TMEM131L: variants seen among roughly 807,000 people sequenced by gnomAD.
TMEM131L encodes the protein transmembrane protein 131-like.
Under a neutral mutation model 192.2 loss-of-function variants are expected in TMEM131L, and 54 were observed. The observed-to-expected ratio is 0.28, with a 90% CI of 0.23 to 0.35. The LOEUF is 0.35. TMEM131L is among the 10% of genes least tolerant of loss of function. The pLI is 1.00. For synonymous variants in TMEM131L, 701 were observed against 704.9 expected (o/e 0.99, Z 0.09); for missense variants, 1,888 against 1,972.9 (o/e 0.96, Z 0.82).
At chr4:153,492,610 T>TA (rs1464492368) in intron 3 of TMEM131L, among the ~76,000 whole-genome samples, 1 of 152,214 alleles carries the variant, frequency 6.6e-6, no homozygotes, top group Non-Finnish European at 1.5e-5. Flanking sequence ...GCATGCCTGC[T>TA]AGACAGCCCC....
intron 3 of TMEM131L, among the ~76,000 whole-genome samples, chr4:153,514,991 A>G (rs1734630467): frequency 6.6e-6 from 1 of 152,088 alleles, no homozygotes; most frequent in Non-Finnish European, 1.5e-5. Context: ...TTGTATTTTT[A>G]GTAGAGACAG....
At chr4:153,506,933 T>C (rs1032209581) in intron 3 of TMEM131L, among the ~76,000 whole-genome samples, 1 of 149,784 alleles carries the variant, frequency 6.7e-6, no homozygotes, top group Non-Finnish European at 1.5e-5. Context: ...GAGACCAGAG[T>C]GGGGAATAAA....
intron 29 of TMEM131L, among the ~76,000 whole-genome samples, chr4:153,624,685 C>A (rs1332801385): frequency 1.3e-5 from 2 of 152,196 alleles, no homozygotes; most frequent in Admixed American, 1.3e-4. Context: ...TCCTTTGACA[C>A]CATGCAGTCA....
intron 4 of TMEM131L, among the ~76,000 whole-genome samples, chr4:153,550,606 G>A (rs988870281): frequency 7.2e-5 from 11 of 152,170 alleles, no homozygotes; most frequent in South Asian, 4.1e-4. Flanking sequence ...GATTACAGGC[G>A]CGAGCCACCA....
At chr4:153,543,386 CT>C (rs1736938721) in intron 3 of TMEM131L, among the ~76,000 whole-genome samples, 1 of 152,084 alleles carries the variant, frequency 6.6e-6, no homozygotes, top group Admixed American at 6.6e-5. Context: ...ACGACTTGTA[CT>C]AAGATCATGA....
intron 7 of TMEM131L, among the ~76,000 whole-genome samples, chr4:153,580,133 T>C (rs1730234817): frequency 6.6e-6 from 1 of 152,204 alleles, no homozygotes; most frequent in Non-Finnish European, 1.5e-5. Context: ...TGTATTCACA[T>C]GCCTGTAGCC....
chr4:153,468,898 G>A (rs1730964104), intron 2 of TMEM131L, among the ~76,000 whole-genome samples: 1 of 152,140 alleles, frequency 6.6e-6, no homozygotes, highest in Admixed American at 6.5e-5. Flanking sequence ...TCTCTTACTG[G>A]CTAGTGTTGG....
chr4:153,612,562 A>G (rs1229274417), intron 26 of TMEM131L, among the ~76,000 whole-genome samples, 162 bp downstream of exon 26: 1 of 152,204 alleles, frequency 6.6e-6, no homozygotes, highest in Non-Finnish European at 1.5e-5. Flanking sequence ...CCTTCTAATT[A>G]TATAGACGTT....
chr4:153,484,165 G>A (rs913069634), intron 3 of TMEM131L, among the ~76,000 whole-genome samples: 4 of 152,126 alleles, frequency 2.6e-5, no homozygotes, highest in Non-Finnish European at 4.4e-5. Flanking sequence ...TTAGTTTGTT[G>A]TTAGAGTCTT....
intron 4 of TMEM131L, among the ~76,000 whole-genome samples, chr4:153,552,519 A>G (rs1179066734): frequency 1.3e-5 from 2 of 151,624 alleles, no homozygotes; most frequent in African/African-American, 4.9e-5. Flanking sequence ...TTTACACACA[A>G]CCTCCCATAT....
intron 3 of TMEM131L, among the ~76,000 whole-genome samples, chr4:153,490,953 C>CA (rs3040164): frequency 0.031 from 2,498 of 81,572 alleles, 49 homozygotes; most frequent in African/African-American, 0.059. Flanking sequence ...GACTCTGTCT[C>CA]AAAAAAAAAA....
chr4:153,589,909 G>A (rs868290151), intron 16 of TMEM131L, among the ~76,000 whole-genome samples: 16 of 152,262 alleles, frequency 1.1e-4, no homozygotes, highest in African/African-American at 2.9e-4. Context: ...TCAAAAGTGA[G>A]CTGTAGATGT....
At chr4:153,501,359 C>A (rs1412832619) in intron 3 of TMEM131L, among the ~76,000 whole-genome samples, 3 of 152,096 alleles carry the variant, frequency 2.0e-5, no homozygotes, top group Non-Finnish European at 4.4e-5. Context: ...TGCCACCACA[C>A]CCGGCTAATT....
intron 5 of TMEM131L, 146 bp downstream of exon 5, chr4:153,556,056 C>A: frequency 2.4e-6 from 1 of 419,902 alleles, no homozygotes; most frequent in Non-Finnish European, 3.1e-6. Context: ...TTTACCTTAG[C>A]ATTTACTTTT....
chr4:153,603,913 G>C lies in TMEM131L; in HGVS notation c.2901G>C (p.Arg967Ser). The C allele has an allele frequency of 6.2e-7, 1 of 1,614,084 alleles. No individual in the cohort carries two copies. The highest frequency in any genetic ancestry group is 8.5e-7 in the Non-Finnish European group (1 of 1,179,996). The change falls in exon 25 of 35, where the codon AGG becomes AGC. Residue 967 changes from arginine to serine, a missense_variant. By Grantham distance (110) the Arg-to-Ser change is moderately radical. Transcript: ENST00000409959. ...GCAGGATCCAGAATGCTGCAAAGAG[G>C]AGCCCAGCCACCTATGGTCATTCTC... ...PQSRIQNAAK[R>S]SPATYGHSQK...
intron 3 of TMEM131L, among the ~76,000 whole-genome samples, chr4:153,531,262 C>G (rs1429849879): frequency 6.6e-6 from 1 of 152,200 alleles, no homozygotes; most frequent in African/African-American, 2.4e-5. Context: ...TGCTGGAACC[C>G]TTGAATCCAT....
intron 7 of TMEM131L, among the ~76,000 whole-genome samples, chr4:153,571,049 G>T (rs1382483760): frequency 6.6e-6 from 1 of 151,648 alleles, no homozygotes; most frequent in Non-Finnish European, 1.5e-5. Flanking sequence ...TTTTGGTCTA[G>T]ATATTTATTT....
chr4:153,627,519 A>G (rs1733932289), intron 30 of TMEM131L, 86 bp from the exon 31 acceptor site: 2 of 987,872 alleles, frequency 2.0e-6, no homozygotes, highest in Admixed American at 2.0e-5. Flanking sequence ...AATTGAGTGA[A>G]AACTCAATCA....
intron 7 of TMEM131L, among the ~76,000 whole-genome samples, chr4:153,574,435 G>T (rs1390980061): frequency 6.6e-6 from 1 of 152,128 alleles, no homozygotes; most frequent in Non-Finnish European, 1.5e-5. Flanking sequence ...TAAATTAGGA[G>T]TGTGGTTATA....
Sources: gnomAD v4.1 joint callset for allele counts (sites outside exome capture counted in the v4.1 genomes callset) on GRCh38, gnomAD v4.1.1 for gene constraint, MANE v1.5 for transcripts, NCBI Gene and HGNC (gene_info 2026-07-23, HGNC 2026-07-21) for gene names.